The following FLAD1 variants were observed in gnomAD, a reference collection of about 807,000 sequenced individuals.
FLAD1 encodes the protein bifunctional FAD diphosphatase/FAD synthase.
Under a neutral mutation model 55.0 loss-of-function variants are expected in FLAD1, and 35 were observed. That is an observed-to-expected ratio of 0.64 (90% CI 0.49 to 0.84). The LOEUF is 0.84. FLAD1 is among the 40% of genes least tolerant of loss of function. The probability of loss-of-function intolerance (pLI) is 0.00; values close to 1 mark genes in which losing one functional copy is unlikely to be tolerated. For synonymous variants in FLAD1, 267 were observed against 303.0 expected (o/e 0.88, Z 1.23); for missense variants, 665 against 742.6 (o/e 0.90, Z 1.21).
chr1:154,988,126 A>T lies in FLAD1; in HGVS notation c.394A>T (p.Thr132Ser). ...ILKGHTQDTN[T>S]FFLCRTLRSL... ...CCAGGGACACACTCAGGACACCAAC[A>T]CCTTCTTTCTGTGCCGGACACTGCG... Residue 132 changes from threonine to serine, a missense_variant, in exon 2 of 7, where the codon ACC becomes TCC. Coordinates refer to ENST00000292180, the MANE Select transcript of FLAD1 (RefSeq NM_025207.5). 2 of 1,614,112 alleles carry T rather than the reference A, an allele frequency of 1.2e-6. No homozygotes were observed. Among genetic ancestry groups the T allele is most frequent in the Non-Finnish European group, 1.7e-6 (2 of 1,180,014 alleles).
At chr1:154,986,262 G>C (rs1457477631) in intron 1 of FLAD1, among the ~76,000 whole-genome samples, 1 of 151,506 alleles carries the variant, frequency 6.6e-6, no homozygotes, top group African/African-American at 2.4e-5. Context: ...TGTCACCCAG[G>C]CTGGAGTGCA....
In FLAD1 at chr1:154,983,565, G is replaced by C; in HGVS notation, c.-130G>C. On this transcript the variant is annotated 5_prime_UTR_variant, in exon 1 of 7. Coordinates refer to ENST00000292180, the MANE Select transcript of FLAD1 (RefSeq NM_025207.5). ...CCAGGATAAGGTAGACATTTAAAGG[G>C]GTACGGATGCCCAAGGTAGAGCAGA... 24 of 924,750 alleles carry C rather than the reference G, an allele frequency of 2.6e-5. No individual in the cohort carries two copies. The highest frequency in any genetic ancestry group is 3.9e-5 in the Non-Finnish European group (24 of 613,506). The allele number at this position is 924,750 out of a possible 1,614,324, so 57.3% of individuals were successfully genotyped here.
At chr1:154,984,563 C>T (rs1418828503) in intron 1 of FLAD1, among the ~76,000 whole-genome samples, 2 of 151,996 alleles carry the variant, frequency 1.3e-5, no homozygotes, top group East Asian at 1.9e-4. Context: ...ACAAAATTAG[C>T]CAGGCGTGGT....
chr1:154,983,922 A>G lies in FLAD1; in HGVS notation c.228A>G (p.Arg76=). 6.2e-7 allele frequency: 1 copy of G among 1,609,676 alleles called. No homozygotes were observed. Among genetic ancestry groups the G allele is most frequent in the South Asian group, 1.1e-5 (1 of 90,804 alleles). The change falls in exon 1 of 7, where the codon CGA becomes CGG. Residue 76 remains arginine, a synonymous_variant. Transcript: ENST00000292180. ...ACCTGGCAGGCCCCCCGTGCTTGCG[A>G]CCCCTATTTGGGGGTCTGGGTGGCT... is the stretch of plus-strand genomic sequence containing the variant. ...PVDLAGPPCL[R]PLFGGLGGYW... is the part of the protein sequence containing the mutation.
Position 154,983,430 on chromosome 1 carries a change from C to T in FLAD1, c.-265C>T, listed in dbSNP as rs897682302. The T allele has an allele frequency of 5.4e-6, 2 of 371,818 alleles. No individual in the cohort carries two copies. The highest frequency in any genetic ancestry group is 9.8e-6 in the Non-Finnish European group (2 of 204,414). The allele number at this position is 371,818 out of a possible 1,614,324, so 23.0% of individuals were successfully genotyped here. The stretch of plus-strand genomic sequence containing the variant: ...TCTAAGAGGGCTCAGTAATCTGAAG[C>T]TTGGTGGGAAGAAGGGATTCTGGGC... On this transcript the variant is annotated 5_prime_UTR_variant, in exon 1 of 7. Transcript: ENST00000292180.
At chr1:154,985,454 A>G (rs1657541279) in intron 1 of FLAD1, among the ~76,000 whole-genome samples, 1 of 150,594 alleles carries the variant, frequency 6.6e-6, no homozygotes, top group East Asian at 2.0e-4. Flanking sequence ...GTTGGAGTGC[A>G]GTGGCGTGAT....
At position 154,988,759 on chromosome 1, in the gene FLAD1, A is replaced by C. The variant is rs777346794; in HGVS notation, c.1027A>C (p.Thr343Pro). ...GPLEECLAYL[T>P]ARLPQGSLVP... ...CCTGGAGGAATGCTTGGCCTACCTG[A>C]CTGCCCGTTTGCCCCAGGGATCGCT... The change falls in exon 2 of 7, where the codon ACT becomes CCT. Residue 343 changes from threonine to proline, a missense_variant. Thr to Pro is a conservative substitution (Grantham distance 38, BLOSUM62 -1). Transcript: ENST00000292180. 1.2e-6 allele frequency: 2 copies of C among 1,614,118 alleles called. No homozygotes were observed. Among genetic ancestry groups the C allele is most frequent in the Non-Finnish European group, 1.7e-6 (2 of 1,180,036 alleles).
At position 154,989,551 on chromosome 1, in the gene FLAD1, G is replaced by A. The variant is rs779719543; in HGVS notation, c.1118-9G>A. ...CCATCTGATGCCCTCTTCCCTGCCT[G>A]CTTGGCAGGGTCTTCTTTGGGGAAA... On this transcript the variant is annotated splice_polypyrimidine_tract_variant and intron_variant, in intron 2 of 6. Transcript: ENST00000292180. 1 of 1,555,294 alleles carries A rather than the reference G, an allele frequency of 6.4e-7. No individual in the cohort carries two copies. The highest frequency in any genetic ancestry group is 8.7e-7 in the Non-Finnish European group (1 of 1,150,132).
chr1:154,992,860 C>G (rs768737058), intron 6 of FLAD1, 42 bp from the exon 7 acceptor site: 4 of 1,613,832 alleles, frequency 2.5e-6, no homozygotes, highest in Non-Finnish European at 3.4e-6. Context: ...AATAGGATCG[C>G]CCACCCTACC....
Position 154,989,654 on chromosome 1 carries a change from C to T in FLAD1, c.1212C>T (p.Asn404=), listed in dbSNP as rs751432092. ...TCACCCAGCTCTGTGTGGGCTTCAA[C>T]GGGGGCAAAGACTGCACTGCCCTCC... The part of the protein sequence containing the change: ...YSLTQLCVGF[N]GGKDCTALLH... The change falls in exon 3 of 7, where the codon AAC becomes AAT. Residue 404 remains asparagine, a synonymous_variant. Coordinates refer to ENST00000292180, the MANE Select transcript of FLAD1 (RefSeq NM_025207.5). 29 of 1,597,578 alleles carry T rather than the reference C, an allele frequency of 1.8e-5. No homozygotes were observed. The highest frequency in any genetic ancestry group is 4.6e-5 in the East Asian group (2 of 43,868).
At chr1:154,991,221 A>ATATATAT (rs1317231060) in intron 5 of FLAD1, 2 of 131,478 alleles carry the variant, frequency 1.5e-5, no homozygotes, top group African/African-American at 6.4e-5. Flanking sequence ...AAAAAAAAAA[A>ATATATAT]AAAAATATAT....
rs535218518 is a variant in FLAD1, at chr1:154,984,214, A to C, written c.372+148A>C. On this transcript the variant is annotated intron_variant, in intron 1 of 6. Coordinates refer to ENST00000292180, the MANE Select transcript of FLAD1 (RefSeq NM_025207.5). ...GGAGTGAATCCAGCATATTGGAGGA[A>C]AATTAACCCTCATTCTTTCAATTAC... The C allele has an allele frequency of 1.5e-3, 960 of 638,348 alleles. 2 individuals carry two copies. Among genetic ancestry groups the C allele is most frequent in the Non-Finnish European group, 1.9e-3 (847 of 435,086 alleles). 39.5% of individuals were successfully genotyped at this position (638,348 alleles called of 1,614,324 possible).
chr1:154,991,576 GT>G (rs1428991087), intron 5 of FLAD1, among the ~76,000 whole-genome samples: 2 of 151,868 alleles, frequency 1.3e-5, no homozygotes, highest in Non-Finnish European at 2.9e-5. Context: ...AAAAAATACA[GT>G]TATTCAGTTG....
At chr1:154,990,821 G>A (rs1336192415) in intron 5 of FLAD1, 2 of 259,284 alleles carry the variant, frequency 7.7e-6, no homozygotes, top group East Asian at 1.5e-4. Flanking sequence ...TAATTAGAAT[G>A]AAATACATAT....
intron 2 of FLAD1, 52 bp downstream of exon 2, chr1:154,988,901 C>G: frequency 3.7e-6 from 6 of 1,608,392 alleles, no homozygotes; most frequent in Non-Finnish European, 4.3e-6. Flanking sequence ...TGGTGGCACC[C>G]CAGATCTCAG....
At chr1:154,988,023 C>T in intron 1 of FLAD1, 82 bp from the exon 2 acceptor site, 4 of 1,608,384 alleles carry the variant, frequency 2.5e-6, no homozygotes, top group Non-Finnish European at 3.4e-6. Context: ...ACTGCATCAT[C>T]AGGTGGATGC....
chr1:154,991,944 C>T (rs142793055), intron 5 of FLAD1, among the ~76,000 whole-genome samples: 5,639 of 150,818 alleles, frequency 0.037, 352 homozygotes, highest in African/African-American at 0.13. Flanking sequence ...ATTTCAAGAC[C>T]AGCCTGACCA....
chr1:154,989,378 G>C (rs1657763344), intron 2 of FLAD1, among the ~76,000 whole-genome samples, 182 bp from the exon 3 acceptor site: 1 of 152,182 alleles, frequency 6.6e-6, no homozygotes, highest in Non-Finnish European at 1.5e-5. Flanking sequence ...TGGCTGGGTG[G>C]CAGATGGCAG....
At chr1:154,992,845 G>A (rs1657940922) in intron 6 of FLAD1, 57 bp from the exon 7 acceptor site, 2 of 1,613,892 alleles carry the variant, frequency 1.2e-6, no homozygotes, top group South Asian at 2.2e-5. Flanking sequence ...GGGATAGGGA[G>A]GGCCAATAGG....
Sources: allele counts gnomAD v4.1 joint callset (sites outside exome capture counted in the v4.1 genomes callset), GRCh38; gene constraint gnomAD v4.1.1; transcripts MANE v1.5; gene names NCBI Gene and HGNC (gene_info 2026-07-23, HGNC 2026-07-21).